The following DNASE1 variants were observed in gnomAD, a reference collection of about 807,000 sequenced individuals.
DNASE1 encodes the protein deoxyribonuclease 1.
In DNASE1, 40 loss-of-function variants were observed where a neutral mutation model predicts 33.9. That is an observed-to-expected ratio of 1.18 (90% CI 0.92 to 1.54). The LOEUF (loss-of-function observed/expected upper bound fraction) is 1.54, where lower values mean the gene tolerates loss of function less well. Ranked by LOEUF, DNASE1 falls within the 40% of genes most tolerant of loss-of-function variation. DNASE1 has a pLI of 0.00. For missense variants in DNASE1, 518 were observed against 372.6 expected (o/e 1.39, Z -3.21); for synonymous variants, 216 against 160.0 (o/e 1.35, Z -2.64).
chr16:3,650,183 T>C (rs2042289510), upstream of DNASE1, among the ~76,000 whole-genome samples: 1 of 152,238 alleles, frequency 6.6e-6, no homozygotes, highest in South Asian at 2.1e-4. Context: ...CTTTTAGATT[T>C]TACCTGCAGC....
At chr16:3,619,624 G>C (rs1178001512) in intron 1 of DNASE1, among the ~76,000 whole-genome samples, 1 of 152,014 alleles carries the variant, frequency 6.6e-6, no homozygotes, top group Non-Finnish European at 1.5e-5. Flanking sequence ...GCCTCCCAAA[G>C]TGCTGGGATT....
chr16:3,664,731 G>T (rs907586623), exon 10 of DNASE1: 1 of 417,382 alleles, frequency 2.4e-6, no homozygotes, highest in African/African-American at 2.1e-5. Flanking sequence ...CGCCCTGGGA[G>T]GGGACCCCAC....
chr16:3,644,817 G>C (rs1259710845), intron 1 of DNASE1, among the ~76,000 whole-genome samples: 1 of 152,008 alleles, frequency 6.6e-6, no homozygotes, highest in East Asian at 1.9e-4. Flanking sequence ...TAGTGCTCTA[G>C]AAGAAAGGTC....
downstream of DNASE1, chr16:3,661,901 C>G (rs1431233284): frequency 1.4e-6 from 2 of 1,468,896 alleles, no homozygotes; most frequent in Non-Finnish European, 1.8e-6. Context: ...CACTTTTCTT[C>G]TGTGTCACAT....
chr16:3,618,128 T>C lies in DNASE1; in HGVS notation c.-1359+6122T>C, dbSNP rs111608462. ...ATGGACATAGGACTTGAATAGACATTCCAAAGAGTGGCAGGTGCCAACAAG... is the reference window on the plus strand; with the variant it reads ...ATGGACATAGGACTTGAATAGACATCCCAAAGAGTGGCAGGTGCCAACAAG... On this transcript the variant is annotated intron_variant and NMD_transcript_variant, in intron 1 of 11. Transcript: ENST00000570769. Among the ~76,000 whole-genome samples the C allele has an allele frequency of 9.5e-3, 1,427 of 149,872 alleles. 21 individuals carry two copies. The highest frequency in any genetic ancestry group is 0.034 in the African/African-American group (1,366 of 40,562).
chr16:3,651,978 G>A (rs1260279415), upstream of DNASE1: 1 of 152,384 alleles, frequency 6.6e-6, no homozygotes, highest in Non-Finnish European at 1.5e-5. Context: ...CCAGACGGTT[G>A]AAGGCCCAAC....
At chr16:3,652,002 G>A (rs3810815), upstream of DNASE1, 63,845 of 152,250 alleles carry the variant, frequency 0.42, 15,819 homozygotes, top group African/African-American at 0.7. Context: ...GATCCCAGAC[G>A]GGCCCCATGT....
chr16:3,623,616 C>G (rs975958218), intron 1 of DNASE1, among the ~76,000 whole-genome samples: 1 of 151,802 alleles, frequency 6.6e-6, no homozygotes, highest in African/African-American at 2.4e-5. Context: ...CCAAGGATCT[C>G]AACAAGAAAA....
chr16:3,638,491 C>T (rs1596600649), upstream of DNASE1, among the ~76,000 whole-genome samples: 1 of 152,176 alleles, frequency 6.6e-6, no homozygotes, highest in Admixed American at 6.5e-5. Flanking sequence ...GCGCCCGCCA[C>T]CACACTCAGC....
intron 1 of DNASE1, among the ~76,000 whole-genome samples, chr16:3,630,474 T>A (rs911049871): frequency 6.6e-6 from 1 of 152,216 alleles, no homozygotes. Context: ...AGCCACTGTT[T>A]CTGGCTATTT....
At chr16:3,663,313 G>T in exon 10 of DNASE1, 1 of 1,437,782 alleles carries the variant, frequency 7.0e-7, no homozygotes, top group Non-Finnish European at 9.4e-7. Flanking sequence ...CTCGGGGGTG[G>T]CTGAGCCCAG....
chr16:3,653,303 C>T (rs1465124941), upstream of DNASE1: 5 of 152,198 alleles, frequency 3.3e-5, no homozygotes, highest in East Asian at 1.9e-4. Context: ...TGACTTCAGA[C>T]GTCCAGTCTC....
At chr16:3,658,262 G>C (rs778764955), downstream of DNASE1, 21 of 1,535,488 alleles carry the variant, frequency 1.4e-5, no homozygotes, top group African/African-American at 1.1e-4. Flanking sequence ...CCATTATGAG[G>C]GGCATGGGGC....
At chr16:3,653,991 C>G (rs1596639366), upstream of DNASE1, 1 of 166,790 alleles carries the variant, frequency 6.0e-6, no homozygotes, top group East Asian at 1.7e-4. Flanking sequence ...TACCCATAGT[C>G]TTAGCTACTC....
Position 3,632,832 on chromosome 16 carries a change from C to T in DNASE1, c.-1358-7883C>T, listed in dbSNP as rs564036073. 3.0e-3 allele frequency among the ~76,000 whole-genome samples: 456 copies of T among 152,198 alleles called. 6 individuals carry two copies. Among genetic ancestry groups the T allele is most frequent in the African/African-American group, 0.011 (439 of 41,524 alleles). ...AAATCCTGACCTCAGGTGATCCGCC[C>T]GCCTCAGACTCCCAAAGTGCTGGTA... On this transcript the variant is annotated intron_variant and NMD_transcript_variant, in intron 1 of 11. Transcript: ENST00000570769.
At position 3,657,969 on chromosome 16, in the gene DNASE1, A is replaced by G. The variant is rs761875553; in HGVS notation, c.*16A>G. The G allele has an allele frequency of 6.2e-7, 1 of 1,613,594 alleles. No individual in the cohort carries two copies. The highest frequency in any genetic ancestry group is 1.1e-5 in the South Asian group (1 of 91,018). On this transcript the variant is annotated 3_prime_UTR_variant, in exon 9 of 9. Coordinates refer to ENST00000246949, the MANE Select transcript of DNASE1 (RefSeq NM_005223.4). ...GCTGAAGTGAGCAGCCCCTCCCCAC[A>G]CCAGTTGAACTGCAGGAAGAGAGGA...
At chr16:3,645,202 C>CT (rs1486967451) in intron 1 of DNASE1, among the ~76,000 whole-genome samples, 1 of 152,212 alleles carries the variant, frequency 6.6e-6, no homozygotes, top group African/African-American at 2.4e-5. Context: ...CCACTTTACA[C>CT]TGTGTGTCCT....
At chr16:3,625,899 A>C (rs760882755) in intron 1 of DNASE1, among the ~76,000 whole-genome samples, 2 of 152,214 alleles carry the variant, frequency 1.3e-5, no homozygotes, top group Admixed American at 6.5e-5. Context: ...CAGGAGTTTG[A>C]GATCAGACTG....
rs1225420789 is a variant in DNASE1, at chr16:3,656,671, C to T, written c.354C>T (p.Tyr118=). ...AGGTGTCTGCGGTGGACAGCTACTA[C>T]TACGATGATGGCTGCGAGCCCTGCG... ...PDQVSAVDSY[Y]YDDGCEPCGN... The change falls in exon 5 of 9, where the codon TAC becomes TAT. Residue 118 remains tyrosine, a synonymous_variant. Transcript: ENST00000246949. 1.9e-6 allele frequency: 3 copies of T among 1,613,212 alleles called. No homozygotes were observed. The highest frequency in any genetic ancestry group is 1.7e-6 in the Non-Finnish European group (2 of 1,179,694).
Sources: gnomAD v4.1 joint callset for allele counts (sites outside exome capture counted in the v4.1 genomes callset) on GRCh38, gnomAD v4.1.1 for gene constraint, MANE v1.5 for transcripts, NCBI Gene and HGNC (gene_info 2026-07-23, HGNC 2026-07-21) for gene names.